Variants in JAZF1 observed in about 807,000 individuals in gnomAD.
JAZF1 encodes the protein juxtaposed with another zinc finger protein 1.
JAZF1 carries 8 observed loss-of-function variants against 26.4 expected under a neutral mutation model. The observed-to-expected ratio is 0.30, with a 90% confidence interval of 0.18 to 0.55. The LOEUF is 0.55. Among genes scored for constraint, JAZF1 ranks in the 20% least tolerant of loss-of-function variants. The pLI is 0.94. For missense variants in JAZF1, 199 were observed against 322.0 expected (o/e 0.62, Z 2.92); for synonymous variants, 126 against 122.3 (o/e 1.03, Z -0.20).
chr7:28,069,321 T>G (rs1178582205), intron 1 of JAZF1, among the ~76,000 whole-genome samples: 1 of 152,226 alleles, frequency 6.6e-6, no homozygotes, highest in East Asian at 1.9e-4. Context: ...CTGTATTATA[T>G]TTTAACCTGG....
intron 2 of JAZF1, among the ~76,000 whole-genome samples, chr7:27,976,140 C>G (rs1453627449): frequency 6.6e-6 from 1 of 151,980 alleles, no homozygotes; most frequent in Non-Finnish European, 1.5e-5. Context: ...GTCAAGAGAT[C>G]GAGACCATCC....
At chr7:27,854,766 G>C (rs1783212624) in intron 3 of JAZF1, among the ~76,000 whole-genome samples, 1 of 152,152 alleles carries the variant, frequency 6.6e-6, no homozygotes, top group Non-Finnish European at 1.5e-5. Context: ...TTCCCTTTGT[G>C]GGTAACCTGA....
At chr7:27,837,978 A>G (rs891082345) in intron 4 of JAZF1, among the ~76,000 whole-genome samples, 1 of 151,496 alleles carries the variant, frequency 6.6e-6, no homozygotes, top group Non-Finnish European at 1.5e-5. Context: ...CTACATTAAC[A>G]AGCTAATACA....
At chr7:28,126,405 T>C (rs1229762206) in intron 1 of JAZF1, among the ~76,000 whole-genome samples, 1 of 150,618 alleles carries the variant, frequency 6.6e-6, no homozygotes, top group African/African-American at 2.5e-5. Flanking sequence ...AAGAAAAAAG[T>C]AGCTTAATGA....
At chr7:28,107,988 C>T (rs147134641) in intron 1 of JAZF1, among the ~76,000 whole-genome samples, 3 of 152,310 alleles carry the variant, frequency 2.0e-5, no homozygotes, top group Admixed American at 6.5e-5. Context: ...TGCTCCATCA[C>T]GGCTAAAACA....
chr7:27,915,563 GT>G, intron 2 of JAZF1, among the ~76,000 whole-genome samples: 2 of 152,320 alleles, frequency 1.3e-5, no homozygotes, highest in East Asian at 3.9e-4. Context: ...AAGTTTTAAT[GT>G]TTTGATTAGA....
intron 1 of JAZF1, among the ~76,000 whole-genome samples, chr7:28,066,113 T>C (rs1783877332): frequency 6.6e-6 from 1 of 152,176 alleles, no homozygotes; most frequent in South Asian, 2.1e-4. Flanking sequence ...CCCAGGCAGA[T>C]TTAGTCTTTG....
intron 3 of JAZF1, among the ~76,000 whole-genome samples, chr7:27,847,144 T>A (rs1783045889): frequency 1.4e-5 from 1 of 72,668 alleles, no homozygotes; most frequent in African/African-American, 5.1e-5. Flanking sequence ...CCCGCCTGGC[T>A]TTTTTTCTTT....
intron 1 of JAZF1, among the ~76,000 whole-genome samples, chr7:28,035,753 G>A (rs989915344): frequency 1.3e-4 from 20 of 152,084 alleles, no homozygotes; most frequent in African/African-American, 4.6e-4. Flanking sequence ...ATATACACCC[G>A]ATTAATATTT....
At chr7:28,063,906 G>A (rs1783838136) in intron 1 of JAZF1, among the ~76,000 whole-genome samples, 1 of 152,036 alleles carries the variant, frequency 6.6e-6, no homozygotes, top group South Asian at 2.1e-4. Context: ...GTGAGAGAGG[G>A]CTCAAGAAAT....
chr7:28,179,422 C>A (rs1046357646), intron 1 of JAZF1, among the ~76,000 whole-genome samples: 1 of 152,208 alleles, frequency 6.6e-6, no homozygotes, highest in African/African-American at 2.4e-5. Context: ...CGGGGCGCCC[C>A]CTCCCCGGCG....
intron 2 of JAZF1, among the ~76,000 whole-genome samples, chr7:27,902,937 A>G (rs1253066257): frequency 6.6e-6 from 1 of 151,430 alleles, no homozygotes; most frequent in Non-Finnish European, 1.5e-5. Flanking sequence ...AATGGCGTGA[A>G]CCTGGGAGGC....
At chr7:28,162,804 G>GGCTTC (rs1416573232) in intron 1 of JAZF1, among the ~76,000 whole-genome samples, 1 of 152,162 alleles carries the variant, frequency 6.6e-6, no homozygotes, top group Non-Finnish European at 1.5e-5. Context: ...ACATTCCTAT[G>GGCTTC]GCTTCAGGAG....
At chr7:28,173,350 T>C (rs767620381) in intron 1 of JAZF1, among the ~76,000 whole-genome samples, 1 of 152,170 alleles carries the variant, frequency 6.6e-6, no homozygotes, top group Non-Finnish European at 1.5e-5. Context: ...TCACTATCCA[T>C]GGTGATCTTG....
chr7:28,046,570 T>G (rs1783500135), intron 1 of JAZF1, among the ~76,000 whole-genome samples: 2 of 152,208 alleles, frequency 1.3e-5, no homozygotes, highest in Admixed American at 6.5e-5. Context: ...TGGATAGGTG[T>G]TACCCTCCTA....
intron 1 of JAZF1, among the ~76,000 whole-genome samples, chr7:28,148,374 G>A (rs1055065481): frequency 2.0e-5 from 3 of 152,090 alleles, no homozygotes; most frequent in East Asian, 1.9e-4. Context: ...CCTGGCCCAC[G>A]TGTTTCTTTA....
At chr7:28,059,563 T>C (rs1783766909) in intron 1 of JAZF1, among the ~76,000 whole-genome samples, 1 of 152,208 alleles carries the variant, frequency 6.6e-6, no homozygotes, top group African/African-American at 2.4e-5. Context: ...TTTACCCACA[T>C]ATTTACCACT....
At chr7:28,100,186 T>A (rs910381015) in intron 1 of JAZF1, among the ~76,000 whole-genome samples, 19 of 152,172 alleles carry the variant, frequency 1.2e-4, no homozygotes, top group Admixed American at 6.5e-5. Context: ...TCAGCCTTAA[T>A]AAATGAGAGT....
intron 1 of JAZF1, among the ~76,000 whole-genome samples, chr7:28,141,540 T>C (rs1363493165): frequency 6.6e-6 from 1 of 152,212 alleles, no homozygotes; most frequent in African/African-American, 2.4e-5. Flanking sequence ...AAGATCAAAT[T>C]AGATGTTTTC....
Sources: allele counts gnomAD v4.1 joint callset (sites outside exome capture counted in the v4.1 genomes callset), GRCh38; gene constraint gnomAD v4.1.1; transcripts MANE v1.5; gene names NCBI Gene and HGNC (gene_info 2026-07-23, HGNC 2026-07-21).